Variants in CHTF18 observed in about 807,000 individuals in gnomAD.
CHTF18 encodes chromosome transmission fidelity factor 18.
A neutral mutation model predicts 113.4 loss-of-function variants in CHTF18; 151 were observed. That is an observed-to-expected ratio of 1.33 (90% confidence interval 1.17 to 1.52). The LOEUF (loss-of-function observed/expected upper bound fraction) is 1.52, where lower values mean the gene tolerates loss of function less well. Ranked by LOEUF, CHTF18 falls within the 40% of genes most tolerant of loss-of-function variation. CHTF18 has a pLI of 0.00. For synonymous variants in CHTF18, 916 were observed against 598.8 expected, an observed-to-expected ratio of 1.53 and a Z score of -7.74; for missense variants, 1,982 against 1,381.6, an observed-to-expected ratio of 1.43 and a Z score of -6.89.
chr16:795,042 G>C, intron 15 of CHTF18, 90 bp from the exon 16 acceptor site: 2 of 1,067,658 alleles, frequency 1.9e-6, no homozygotes, highest in Middle Eastern at 3.0e-4. Context: ...GCAGGCAGGA[G>C]TGGAGGGTCT....
In CHTF18 at chr16:790,223, T is replaced by C; in HGVS notation, c.653T>C (p.Leu218Pro). The C allele has an allele frequency of 6.2e-7, 1 of 1,606,320 alleles. No individual in the cohort carries two copies. Among genetic ancestry groups the C allele is most frequent in the Non-Finnish European group, 8.5e-7 (1 of 1,177,234 alleles). The change falls in exon 5 of 22, where the codon CTG becomes CCG. Residue 218 changes from leucine to proline, a missense_variant. Physicochemically the swap from Leu to Pro is moderately conservative, Grantham distance 98 (BLOSUM62 -3). Coordinates refer to ENST00000262315, the MANE Select transcript of CHTF18 (RefSeq NM_022092.3). ...TGGCGAGGCGGTGGCCAGCTGGACC[T>C]GCTGGGTGTGTCCTTAGCCTCCCTG... ...VPWRGGGQLDLLGVSLASLKK... is the reference protein window; with the variant it reads ...VPWRGGGQLDPLGVSLASLKK...
chr16:793,312 G>C (rs2042253507), intron 14 of CHTF18, 38 bp downstream of exon 14: 1 of 1,599,964 alleles, frequency 6.3e-7, no homozygotes. Context: ...GATGCTCACG[G>C]TGCCCGGACC....
chr16:797,423 C>T (rs2042382551), intron 20 of CHTF18, among the ~76,000 whole-genome samples: 2 of 152,104 alleles, frequency 1.3e-5, no homozygotes, highest in East Asian at 1.9e-4. Context: ...GAAGGACCAG[C>T]TCCTTACCCT....
chr16:789,683 C>G lies in CHTF18; in HGVS notation c.574C>G (p.Leu192Val). ...STEGVRAYLV[L>V]RADPMAPGVQ... ...GGAGGGCGTCCGGGCTTATCTGGTG[C>G]TGCGTGCTGACCCCATGGCCCCGGG... is the stretch of plus-strand genomic sequence containing the variant. Residue 192 changes from leucine (L) to valine (V), a missense_variant, in exon 4 of 22, where the codon CTG (leucine) becomes GTG (valine). By Grantham distance (32) the Leu-to-Val change is conservative (BLOSUM62 1). Coordinates refer to ENST00000262315, the MANE Select transcript of CHTF18 (RefSeq NM_022092.3). 2 of 1,599,960 alleles carry G rather than the reference C, an allele frequency of 1.3e-6. No homozygotes were observed. Among genetic ancestry groups the G allele is most frequent in the East Asian group, 2.2e-5 (1 of 44,868 alleles).
In CHTF18 at chr16:789,535, G is replaced by T; in HGVS notation, c.438-12G>T. ...CTTGAGTTTCTGCCACTGAGCCCCG[G>T]TCTCTCTCCAGAGTCTCAGAAGCTG... On this transcript the variant is annotated splice_polypyrimidine_tract_variant and intron_variant, in intron 3 of 21. Transcript: ENST00000262315. The T allele has an allele frequency of 6.3e-7, 1 of 1,587,786 alleles. No homozygotes were observed. The highest frequency in any genetic ancestry group is 8.6e-7 in the Non-Finnish European group (1 of 1,166,488).
intron 13 of CHTF18, 39 bp downstream of exon 13, chr16:793,103 T>TGGGGG (rs373145673): frequency 6.4e-7 from 1 of 1,569,288 alleles, no homozygotes; most frequent in Non-Finnish European, 8.6e-7. Flanking sequence ...TGGGGTGGGG[T>TGGGGG]CAGGAGTTGG....
intron 15 of CHTF18, chr16:794,726 T>TCCCCCACGGAA (rs1352936360): frequency 4.2e-6 from 1 of 239,836 alleles, no homozygotes; most frequent in African/African-American, 2.3e-5. Context: ...GGGGATAGAC[T>TCCCCCACGGAA]CCCCCACGGA....
intron 4 of CHTF18, 159 bp from the exon 5 acceptor site, chr16:790,018 G>A: frequency 6.5e-7 from 1 of 1,535,566 alleles, no homozygotes; most frequent in South Asian, 1.2e-5. Flanking sequence ...TGACCCATCT[G>A]GATGGCTTCA....
chr16:790,984 G>T, intron 7 of CHTF18, 177 bp from the exon 8 acceptor site: 2 of 1,450,836 alleles, frequency 1.4e-6, no homozygotes, highest in Non-Finnish European at 1.8e-6. Flanking sequence ...GGCCAGAGCC[G>T]TGGGGGTGGA....
In CHTF18 at chr16:793,276, T is replaced by C; in HGVS notation, c.1802+2T>C. ...CTTCCAGCTGCCTCGAGCCCAGAGG[T>C]AGGCGGTGGCCACAGCCTCGGCCCA... On this transcript the variant is annotated splice_donor_variant, in intron 14 of 21. Transcript: ENST00000262315. LOFTEE classifies it high-confidence loss of function. 2 of 1,605,424 alleles carry C rather than the reference T, an allele frequency of 1.2e-6. No individual in the cohort carries two copies. Among genetic ancestry groups the C allele is most frequent in the Non-Finnish European group, 8.5e-7 (1 of 1,177,846 alleles).
In CHTF18 at chr16:791,835, T is replaced by C. The variant is rs2042204739; in HGVS notation, c.1105-16T>C. ...AGGTGCGGTGCACACTACGCCTTCA[T>C]CTACCTGGGCTGCAGGTGGCACTGC... On this transcript the variant is annotated splice_polypyrimidine_tract_variant and intron_variant, in intron 8 of 21. Coordinates refer to ENST00000262315, the MANE Select transcript of CHTF18 (RefSeq NM_022092.3). 2.5e-6 allele frequency: 4 copies of C among 1,591,382 alleles called. No homozygotes were observed. Among genetic ancestry groups the C allele is most frequent in the Non-Finnish European group, 3.4e-6 (4 of 1,170,120 alleles).
intron 10 of CHTF18, 40 bp downstream of exon 10, chr16:792,387 G>A (rs371131368): frequency 1.3e-6 from 2 of 1,560,854 alleles, no homozygotes; most frequent in Non-Finnish European, 1.7e-6. Flanking sequence ...TGGGCGGGCA[G>A]GCAGGCGGGC....
intron 8 of CHTF18, 191 bp from the exon 9 acceptor site, chr16:791,660 G>T (rs1398552254): frequency 1.4e-6 from 2 of 1,428,236 alleles, no homozygotes; most frequent in Non-Finnish European, 1.8e-6. Flanking sequence ...CACGAACTTT[G>T]CTTTGTGTAG....
chr16:791,937 G>C lies in CHTF18; in HGVS notation c.1191G>C (p.Glu397Asp). The C allele has an allele frequency of 6.2e-7, 1 of 1,608,554 alleles. No homozygotes were observed. Among genetic ancestry groups the C allele is most frequent in the South Asian group, 1.1e-5 (1 of 89,884 alleles). Residue 397 changes from glutamate (E) to aspartate (D), a missense_variant, in exon 9 of 22, where the codon GAG (glutamate) becomes GAC (aspartate). Transcript: ENST00000262315. ...GTCACGCGGGGTACTCTGTGGTGGAGATGAACGCCAGGTGAGTGATGTGAG... is the reference window on the plus strand; with the variant it reads ...GTCACGCGGGGTACTCTGTGGTGGACATGAACGCCAGGTGAGTGATGTGAG... ...IARHAGYSVV[E>D]MNASDDRSPE... is the part of the protein sequence containing the mutation.
chr16:797,059 G>A lies in CHTF18; in HGVS notation c.2700G>A (p.Glu900=). 1.3e-6 allele frequency: 2 copies of A among 1,554,244 alleles called. No homozygotes were observed. The highest frequency in any genetic ancestry group is 2.3e-5 in the East Asian group (1 of 43,782). ...CACGCAACCATGAGCAGCGGCTGGA[G>A]CACATCATGAGGCGAGCGGCCCGGG... The part of the protein sequence containing the change: ...PAPRNHEQRL[E]HIMRRAAREE... Residue 900 remains glutamate (E), a synonymous_variant, in exon 20 of 22, where the codon GAG becomes GAA. Coordinates refer to ENST00000262315, the MANE Select transcript of CHTF18 (RefSeq NM_022092.3).
In CHTF18 at chr16:797,667, C is replaced by T. The variant is rs149730790; in HGVS notation, c.2734-27C>T. 187 of 1,610,512 alleles carry T rather than the reference C, an allele frequency of 1.2e-4. No homozygotes were observed. The East Asian group carries it at 2.6e-3, about 23-fold the overall frequency. ...GGCTGGATGGGGCATCTGTCCTATA[C>T]GACTGACTAGTCCTTCCTCCCATCA... On this transcript the variant is annotated intron_variant, in intron 20 of 21. Transcript: ENST00000262315.
rs776290505 is a variant in CHTF18, at chr16:795,249, C to T, written c.2068C>T (p.Gln690Ter). ...GCTGGCGGGGGCTGCTCATCACAGC[C>T]AGAGCTTCCAGCTGCTGCGCTACCC... ...DLLAGAAHHS[Q>*]SFQLLRYPPF... The change falls in exon 16 of 22, where the codon CAG becomes TAG. Residue 690 changes from glutamine (Q) to a stop codon, truncating the protein, a stop_gained. Transcript: ENST00000262315. LOFTEE classifies it high-confidence loss of function. 2.6e-6 allele frequency: 4 copies of T among 1,549,436 alleles called. No homozygotes were observed. The highest frequency in any genetic ancestry group is 3.5e-6 in the Non-Finnish European group (4 of 1,146,972).
chr16:793,948 G>C, intron 14 of CHTF18, 106 bp from the exon 15 acceptor site: 1 of 1,308,668 alleles, frequency 7.6e-7, no homozygotes, highest in Non-Finnish European at 1.1e-6. Context: ...TGAGAAGAAT[G>C]AAGTGGGTGG....
intron 15 of CHTF18, among the ~76,000 whole-genome samples, chr16:794,511 G>A (rs1211683907): frequency 6.6e-6 from 1 of 152,184 alleles, no homozygotes; most frequent in East Asian, 1.9e-4. Flanking sequence ...AGCCTGGCCT[G>A]GGGCTGCGAG....
Sources: gnomAD v4.1 joint callset for allele counts (sites outside exome capture counted in the v4.1 genomes callset) on GRCh38, gnomAD v4.1.1 for gene constraint, MANE v1.5 for transcripts, NCBI Gene and HGNC (gene_info 2026-07-23, HGNC 2026-07-21) for gene names.